MYO19: variants seen among roughly 807,000 people sequenced by gnomAD.
The protein encoded by MYO19 is unconventional myosin-XIX.
A neutral mutation model predicts 129.2 loss-of-function variants in MYO19; 132 were observed. That is an observed-to-expected ratio of 1.02 (90% CI 0.89 to 1.18). The LOEUF (loss-of-function observed/expected upper bound fraction) is 1.18, where lower values mean the gene tolerates loss of function less well. MYO19 is among the 50% of genes most tolerant of loss of function. The pLI, the probability that MYO19 is intolerant of heterozygous loss-of-function variation, is 0.00. For synonymous variants in MYO19, 531 were observed against 477.2 expected (o/e 1.11, Z -1.47); for missense variants, 1,210 against 1,216.7 (o/e 0.99, Z 0.08).
At chr17:36,510,668 ATGT>A in intron 13 of MYO19, 75 bp downstream of exon 13, 2 of 1,471,498 alleles carry the variant, frequency 1.4e-6, no homozygotes, top group South Asian at 2.7e-5. Context: ...CTATTGCCTG[ATGT>A]TGTCTGGCCC....
At chr17:36,508,782 C>A (rs2072103789) in intron 14 of MYO19, 1 of 464,210 alleles carries the variant, frequency 2.2e-6, no homozygotes, top group Non-Finnish European at 3.9e-6. Context: ...TACTCTCCCA[C>A]AATTAGAGCT....
intron 3 of MYO19, among the ~76,000 whole-genome samples, chr17:36,531,865 C>G (rs1361000993): frequency 6.6e-6 from 1 of 152,152 alleles, no homozygotes; most frequent in South Asian, 2.1e-4. Context: ...CAGTGCCTGG[C>G]AACACTTGGT....
At chr17:36,528,269 G>A in intron 3 of MYO19, 67 bp from the exon 4 acceptor site, 1 of 1,504,110 alleles carries the variant, frequency 6.6e-7, no homozygotes, top group Non-Finnish European at 9.0e-7. Context: ...AGCACTCTGG[G>A]AGGCCAAGGC....
intron 2 of MYO19, among the ~76,000 whole-genome samples, chr17:36,532,962 T>A (rs1435815973): frequency 1.3e-5 from 2 of 152,128 alleles, no homozygotes; most frequent in Non-Finnish European, 2.9e-5. Flanking sequence ...AGTAAGACAC[T>A]GGGGAGACAG....
At chr17:36,505,058 C>T (rs2071784266) in intron 19 of MYO19, 2 of 731,814 alleles carry the variant, frequency 2.7e-6, no homozygotes, top group Non-Finnish European at 5.0e-6. Context: ...GGGTACATGG[C>T]TCAAAAAAAC....
In MYO19 at chr17:36,496,236, C is replaced by CA. The variant is rs767660675; in HGVS notation, c.*14dup. 4.3e-6 allele frequency: 7 copies of CA among 1,612,926 alleles called. No homozygotes were observed. Among genetic ancestry groups the CA allele is most frequent in the African/African-American group, 1.3e-5 (1 of 74,894 alleles). ...GGGGCAGGAAAAGGCCTTGTGGAAACAAAGGCACCAAGGATCACCCCAGCC... is the reference window on the plus strand; with the variant it reads ...GGGGCAGGAAAAGGCCTTGTGGAAACAAAAGGCACCAAGGATCACCCCAGCC... On this transcript the variant is annotated 3_prime_UTR_variant, in exon 26 of 26. Coordinates refer to ENST00000614623, the MANE Select transcript of MYO19 (RefSeq NM_001163735.2).
In MYO19 at chr17:36,507,967, A is replaced by G. The variant is rs746591764; in HGVS notation, c.1232-43T>C. On this transcript the variant is annotated intron_variant, in intron 14 of 25. Coordinates refer to ENST00000614623, the MANE Select transcript of MYO19 (RefSeq NM_001163735.2). ...AACCCATGGGGCCACTGCAGGGAGC[A>G]GATGGGGAATAGGGGACCAAGGAAC... 3 of 1,546,548 alleles carry G rather than the reference A, an allele frequency of 1.9e-6. No individual in the cohort carries two copies. In the Admixed American group the frequency reaches 5.8e-5, roughly 30 times the overall value.
intron 6 of MYO19, among the ~76,000 whole-genome samples, chr17:36,522,139 T>A (rs1187107207): frequency 6.6e-6 from 1 of 151,504 alleles, no homozygotes; most frequent in African/African-American, 2.4e-5. Flanking sequence ...AAAATATCCA[T>A]CAGATTTGAG....
upstream of MYO19, chr17:36,537,756 A>G (rs774620166): frequency 6.2e-7 from 1 of 1,614,218 alleles, no homozygotes. Context: ...ACGATTAGCC[A>G]TTATAAAATC....
intron 3 of MYO19, 66 bp downstream of exon 3, chr17:36,532,461 G>T: frequency 6.5e-7 from 1 of 1,543,382 alleles, no homozygotes; most frequent in Admixed American, 2.0e-5. Context: ...CTTCCTTCCA[G>T]GTTAGGGCTA....
chr17:36,537,887 G>A, upstream of MYO19: 2 of 1,613,962 alleles, frequency 1.2e-6, no homozygotes, highest in Admixed American at 1.7e-5. Flanking sequence ...ATAAGTCCTG[G>A]ATTATTGCCC....
rs1310638126 is a variant in MYO19, at chr17:36,512,787, G to T, written c.894+642C>A. The T allele has an allele frequency of 2.3e-6, 3 of 1,286,744 alleles. No individual in the cohort carries two copies. The South Asian group carries it at 3.7e-5, about 16-fold the overall frequency. 79.7% of individuals were successfully genotyped at this position (1,286,744 alleles called of 1,614,324 possible). On this transcript the variant is annotated intron_variant, in intron 11 of 25. Transcript: ENST00000614623. ...CTATCCCCTCCTGCTGCTCTAGAGG[G>T]TGAGGAAGATGAGAGGAGGTAGTCA...
intron 24 of MYO19, 136 bp downstream of exon 24, chr17:36,498,939 A>G: frequency 5.9e-6 from 4 of 674,586 alleles, no homozygotes; most frequent in Non-Finnish European, 7.8e-6. Context: ...TACATGAGGA[A>G]TATGAGGCTC....
chr17:36,536,839 T>A (rs1400323776), upstream of MYO19, among the ~76,000 whole-genome samples: 1 of 152,246 alleles, frequency 6.6e-6, no homozygotes, highest in Non-Finnish European at 1.5e-5. Flanking sequence ...TTTGTGAGTC[T>A]GTCTTGTACA....
chr17:36,503,016 C>A (rs2071636049), intron 21 of MYO19, 81 bp downstream of exon 21: 1 of 1,208,600 alleles, frequency 8.3e-7, no homozygotes, highest in Non-Finnish European at 1.2e-6. Context: ...AAGCCCCAGC[C>A]CCTAGCCCTA....
intron 11 of MYO19, among the ~76,000 whole-genome samples, chr17:36,511,924 T>C (rs2072357530): frequency 6.6e-6 from 1 of 152,190 alleles, no homozygotes; most frequent in Non-Finnish European, 1.5e-5. Flanking sequence ...CCCAGCCTGC[T>C]GGAGGCACTG....
At chr17:36,533,844 C>T (rs2073971356) in intron 2 of MYO19, 109 bp downstream of exon 2, 1 of 152,230 alleles carries the variant, frequency 6.6e-6, no homozygotes, top group East Asian at 1.9e-4. Context: ...ACCCAAGGCC[C>T]CTGGCACAGA....
At chr17:36,509,901 G>C (rs1021463709) in intron 13 of MYO19, 2 of 152,212 alleles carry the variant, frequency 1.3e-5, no homozygotes, top group South Asian at 4.1e-4. Flanking sequence ...ACCTCAAATT[G>C]TGACCTGAAA....
rs554117182 is a variant in MYO19 at position 36,540,950 on chromosome 17, C to T, written n.395+1131G>A. ...AAGAAGAACATAATCTGTCCAGGAC[C>T]TCAGCCTATCTATGCCCTTCAGAAA... On this transcript the variant is annotated intron_variant and non_coding_transcript_variant, in intron 2 of 2. Coordinates refer to the MYO19 transcript ENST00000610496. Among the ~76,000 whole-genome samples, 3 of 152,170 alleles carry T rather than the reference C, an allele frequency of 2.0e-5. No individual in the cohort carries two copies. The East Asian group carries it at 5.8e-4, about 29-fold the overall frequency.
Sources: gnomAD v4.1 joint callset for allele counts (sites outside exome capture counted in the v4.1 genomes callset) on GRCh38, gnomAD v4.1.1 for gene constraint, MANE v1.5 for transcripts, NCBI Gene and HGNC (gene_info 2026-07-23, HGNC 2026-07-21) for gene names.